The following FBXW12 variants were observed in gnomAD, a reference collection of about 807,000 sequenced individuals.
The protein encoded by FBXW12 is F-box and WD repeat domain containing 12.
A neutral mutation model predicts 55.3 loss-of-function variants in FBXW12; 43 were observed. The observed-to-expected ratio is 0.78, with a 90% CI of 0.61 to 1.00. The LOEUF is 1.00. Ranked by LOEUF, FBXW12 falls within the 50% of genes least tolerant of loss-of-function variation. FBXW12 has a pLI of 0.00. For missense variants in FBXW12, 524 were observed against 560.5 expected (o/e 0.93, Z 0.66); for synonymous variants, 184 against 203.8 (o/e 0.90, Z 0.83).
rs535233827 is a variant in FBXW12 at position 48,373,166 on chromosome 3, C to T, written c.91-142C>T. On this transcript the variant is annotated intron_variant, in intron 2 of 10. Transcript: ENST00000296438. ...TGTTGTTACCATTTCCTTATCTCCC[C>T]ACACTGAGAGTGCTTTGAGAGCTGG... 5 of 1,248,992 alleles carry T rather than the reference C, an allele frequency of 4.0e-6. No individual in the cohort carries two copies. In the Admixed American group the frequency reaches 9.0e-5, roughly 22 times the overall value. 77.4% of individuals were successfully genotyped at this position (1,248,992 alleles called of 1,614,324 possible). A position where few individuals can be genotyped will look rare whatever the true frequency, so the allele number is the denominator to read the frequency against.
intron 4 of FBXW12, among the ~76,000 whole-genome samples, chr3:48,374,355 TCTTG>T (rs2036651619): frequency 6.8e-6 from 1 of 146,318 alleles, no homozygotes; most frequent in South Asian, 2.1e-4. Flanking sequence ...TGAGGTTGAG[TCTTG>T]CTCTGTCATC....
At chr3:48,380,657 C>A in intron 7 of FBXW12, 45 bp from the exon 8 acceptor site, 1 of 1,419,382 alleles carries the variant, frequency 7.0e-7, no homozygotes, top group Non-Finnish European at 1.0e-6. Flanking sequence ...TACTGAGAGG[C>A]TATAAGTTCC....
chr3:48,389,381 G>A (rs1407718171), intron 10 of FBXW12, among the ~76,000 whole-genome samples: 1 of 151,616 alleles, frequency 6.6e-6, no homozygotes, highest in African/African-American at 2.4e-5. Flanking sequence ...ACCTTTTTTT[G>A]TTTTGTTTGG....
chr3:48,372,941 G>A (rs1560028996), intron 2 of FBXW12, 84 bp downstream of exon 2: 8 of 1,284,352 alleles, frequency 6.2e-6, no homozygotes, highest in Admixed American at 3.4e-5. Context: ...AATAGCAGAG[G>A]GTTACACTGA....
rs1238384943 is a variant in FBXW12, at chr3:48,379,584, T to C, written c.774+26T>C. 14 of 1,607,916 alleles carry C rather than the reference T, an allele frequency of 8.7e-6. No homozygotes were observed. In the Admixed American group the frequency reaches 2.0e-4, roughly 23 times the overall value. On this transcript the variant is annotated intron_variant, in intron 7 of 10. Coordinates refer to ENST00000296438, the MANE Select transcript of FBXW12 (RefSeq NM_207102.2). ...GTAGGTGCTGTTCTGTGTATTTCAA[T>C]TTCAGGATAGGAATGTCAAGTTAGG...
chr3:48,382,109 A>T lies in FBXW12; in HGVS notation c.1295+24A>T, dbSNP rs752544078. 5.6e-6 allele frequency: 9 copies of T among 1,612,256 alleles called. No individual in the cohort carries two copies. The South Asian group carries it at 8.8e-5, about 16-fold the overall frequency. On this transcript the variant is annotated intron_variant, in intron 10 of 10. Coordinates refer to ENST00000296438, the MANE Select transcript of FBXW12 (RefSeq NM_207102.2). ...AGGTAAGCTCTGTTTTGTGATGTAA[A>T]CATCCCCTAAACAACTTTTTTTTTT... is the stretch of plus-strand genomic sequence containing the variant.
In FBXW12 at chr3:48,375,408, A is replaced by G. The variant is rs1346313526; in HGVS notation, c.341A>G (p.Gln114Arg). ...GGAAATAGACTTACAGTGGATGAAC[A>G]GGAGAAATCAATCATTTGTAGTGTA... is the stretch of plus-strand genomic sequence containing the variant. ...LSGNRLTVDE[Q>R]EKSIICSVSP... Residue 114 changes from glutamine (Q) to arginine (R), a missense_variant, in exon 5 of 11, where the codon CAG becomes CGG. Coordinates refer to ENST00000296438, the MANE Select transcript of FBXW12 (RefSeq NM_207102.2). The G allele has an allele frequency of 6.2e-7, 1 of 1,612,962 alleles. No homozygotes were observed. The highest frequency in any genetic ancestry group is 1.1e-5 in the South Asian group (1 of 90,664).
At chr3:48,386,154 C>T (rs1302080168) in intron 10 of FBXW12, among the ~76,000 whole-genome samples, 1 of 152,150 alleles carries the variant, frequency 6.6e-6, no homozygotes, top group Non-Finnish European at 1.5e-5. Flanking sequence ...AGTCTTTAAT[C>T]CATTTTGAGT....
chr3:48,389,940 T>G (rs1575364137), intron 10 of FBXW12, among the ~76,000 whole-genome samples: 1 of 152,216 alleles, frequency 6.6e-6, no homozygotes, highest in African/African-American at 2.4e-5. Context: ...CCCAGCACCA[T>G]TTATTGAATA....
intron 10 of FBXW12, among the ~76,000 whole-genome samples, chr3:48,383,717 C>G (rs1196997740): frequency 6.6e-6 from 1 of 152,014 alleles, no homozygotes; most frequent in African/African-American, 2.4e-5. Flanking sequence ...ACATTTAGGT[C>G]TCTGATGTAT....
Position 48,394,680 on chromosome 3 carries a change from A to T in FBXW12, c.*21A>T, listed in dbSNP as rs577632980. On this transcript the variant is annotated 3_prime_UTR_variant, in exon 11 of 11. Transcript: ENST00000296438. The stretch of plus-strand genomic sequence containing the variant: ...CGTAATATGGAAACTAACAAAATTG[A>T]CCTTGCATCATCTTCTGCAATGTAG... The T allele has an allele frequency of 2.8e-5, 35 of 1,261,950 alleles. No homozygotes were observed. The South Asian group carries it at 4.2e-4, about 15-fold the overall frequency. 78.2% of individuals were successfully genotyped at this position (1,261,950 alleles called of 1,614,324 possible).
chr3:48,377,742 G>A (rs2036705386), intron 5 of FBXW12, among the ~76,000 whole-genome samples: 1 of 152,176 alleles, frequency 6.6e-6, no homozygotes, highest in African/African-American at 2.4e-5. Flanking sequence ...CATGCAAAGG[G>A]GACTTCAGGA....
chr3:48,376,128 C>T (rs766752918), intron 5 of FBXW12, among the ~76,000 whole-genome samples: 13 of 151,694 alleles, frequency 8.6e-5, no homozygotes, highest in Non-Finnish European at 1.2e-4. Flanking sequence ...ATTACAGGCG[C>T]GCGCCACGAT....
Position 48,373,570 on chromosome 3 carries a change from G to A in FBXW12, c.151G>A (p.Asp51Asn). The A allele has an allele frequency of 6.2e-7, 1 of 1,614,078 alleles. No homozygotes were observed. The highest frequency in any genetic ancestry group is 1.1e-5 in the South Asian group (1 of 91,078). Residue 51 changes from aspartate to asparagine, a missense_variant, in exon 4 of 11, where the codon GAC (aspartate) becomes AAC (asparagine). Transcript: ENST00000296438. Reference sequence around the variant, plus strand: ...CAGGTCACTATCTCTGCAGAGATGGGACTGCAGCAACTTCACCAATCAACA... The same window carrying A: ...CAGGTCACTATCTCTGCAGAGATGGAACTGCAGCAACTTCACCAATCAACA... Reference protein sequence around the residue: ...LWRSLSLQRWDCSNFTNQHLG... With the variant: ...LWRSLSLQRWNCSNFTNQHLG...
chr3:48,387,272 T>C (rs760602060), intron 10 of FBXW12, among the ~76,000 whole-genome samples: 2 of 151,580 alleles, frequency 1.3e-5, no homozygotes, highest in Non-Finnish European at 2.9e-5. Context: ...TTTTTTAATC[T>C]TCTTAATGCC....
chr3:48,376,931 T>C (rs746982832), intron 5 of FBXW12, among the ~76,000 whole-genome samples: 14 of 152,214 alleles, frequency 9.2e-5, no homozygotes, highest in Non-Finnish European at 1.5e-4. Flanking sequence ...ATCCTGCGCT[T>C]ACCCCACACT....
intron 10 of FBXW12, among the ~76,000 whole-genome samples, chr3:48,392,911 T>C (rs539649174): frequency 6.6e-6 from 1 of 152,188 alleles, no homozygotes; most frequent in Admixed American, 6.5e-5. Context: ...ACTTTTTGAA[T>C]CTATAGGTCT....
intron 10 of FBXW12, 23 bp from the exon 11 acceptor site, chr3:48,394,537 T>A (rs1560036374): frequency 7.2e-7 from 1 of 1,387,946 alleles, no homozygotes. Flanking sequence ...TGTTCACTGA[T>A]GATCTTATTT....
rs1375339401 is a variant in FBXW12 at position 48,377,346 on chromosome 3, T to G, written c.406-971T>G. On this transcript the variant is annotated intron_variant, in intron 5 of 10. Transcript: ENST00000296438. ...GTCACAGAAGACAATTCTTCACTCA[T>G]GGGTCATCAGCTCTTGGAGATCCAG... Among the ~76,000 whole-genome samples the G allele has an allele frequency of 2.0e-5, 3 of 152,180 alleles. No homozygotes were observed. In the East Asian group the frequency reaches 5.8e-4, roughly 29 times the overall value.
Sources: allele counts gnomAD v4.1 joint callset (sites outside exome capture counted in the v4.1 genomes callset), GRCh38; gene constraint gnomAD v4.1.1; transcripts MANE v1.5; gene names NCBI Gene and HGNC (gene_info 2026-07-23, HGNC 2026-07-21).